The following CAMK2A variants were observed in gnomAD, a reference collection of about 807,000 sequenced individuals.
CAMK2A encodes the protein calcium/calmodulin dependent protein kinase II alpha, also known as calcium/calmodulin-dependent protein kinase type II subunit alpha.
Under a neutral mutation model 79.2 loss-of-function variants are expected in CAMK2A, and 7 were observed. The observed-to-expected ratio is 0.09, with a 90% CI of 0.05 to 0.17. The LOEUF (loss-of-function observed/expected upper bound fraction) is 0.17. Ranked by LOEUF, CAMK2A falls within the 10% of genes least tolerant of loss-of-function variation. The pLI is 1.00. For missense variants in CAMK2A, 214 were observed against 646.4 expected (o/e 0.33, Z 7.25); for synonymous variants, 242 against 251.7 (o/e 0.96, Z 0.36).
At chr5:150,271,246 AC>A (rs1756735248) in intron 2 of CAMK2A, among the ~76,000 whole-genome samples, 1 of 152,166 alleles carries the variant, frequency 6.6e-6, no homozygotes, top group South Asian at 2.1e-4. Context: ...ACAAGCTTGG[AC>A]TTTTCATACT....
intron 3 of CAMK2A, 28 bp from the exon 4 acceptor site, chr5:150,257,645 C>T (rs1413376522): frequency 6.5e-7 from 1 of 1,545,366 alleles, no homozygotes; most frequent in Non-Finnish European, 8.8e-7. Context: ...CAGTTGGTTA[C>T]AGTGGGACAC....
At chr5:150,226,756 G>GGGGT (rs1754620505) in intron 17 of CAMK2A, among the ~76,000 whole-genome samples, 1 of 108,762 alleles carries the variant, frequency 9.2e-6, no homozygotes, top group Admixed American at 9.9e-5. Context: ...GGGGGGGGGG[G>GGGGT]ATTTTCCTGA....
At chr5:150,255,760 C>T (rs1756029018) in intron 6 of CAMK2A, among the ~76,000 whole-genome samples, 1 of 152,196 alleles carries the variant, frequency 6.6e-6, no homozygotes, top group Non-Finnish European at 1.5e-5. Flanking sequence ...GATAGAGTGA[C>T]CTTTTGGCAC....
At chr5:150,237,392 C>T (rs189062568) in intron 15 of CAMK2A, among the ~76,000 whole-genome samples, 237 of 151,940 alleles carry the variant, frequency 1.6e-3, no homozygotes, top group African/African-American at 5.2e-3. Context: ...CTACCACCAC[C>T]ACCAGGCATC....
Position 150,231,280 on chromosome 5 carries a change from T to A in CAMK2A, c.1142+25A>T, listed in dbSNP as rs781740045. 2.1e-6 allele frequency: 3 copies of A among 1,460,272 alleles called. 1 individual carries two copies. Among genetic ancestry groups the A allele is most frequent in the Non-Finnish European group, 2.8e-6 (3 of 1,063,224 alleles). 90.5% of individuals were successfully genotyped at this position (1,460,272 alleles called of 1,614,324 possible). On this transcript the variant is annotated intron_variant, in intron 16 of 18. Transcript: ENST00000671881. Reference sequence around the variant, plus strand: ...CCTGAACAACAATCCAGGCAGGACATGCAGAATGAGCCCAGCTGACTCACG... The same window carrying A: ...CCTGAACAACAATCCAGGCAGGACAAGCAGAATGAGCCCAGCTGACTCACG...
intron 13 of CAMK2A, among the ~76,000 whole-genome samples, chr5:150,240,274 G>A (rs1163838798): frequency 1.3e-5 from 2 of 152,202 alleles, no homozygotes; most frequent in African/African-American, 2.4e-5. Flanking sequence ...TTGATAACTA[G>A]GTCTGGGGTG....
At chr5:150,253,663 G>A (rs940291557) in intron 6 of CAMK2A, 117 bp from the exon 7 acceptor site, 3 of 850,440 alleles carry the variant, frequency 3.5e-6, no homozygotes, top group Non-Finnish European at 5.7e-6. Context: ...CGGCCCTCCG[G>A]GGCCCCTGCT....
In CAMK2A at chr5:150,253,565, G is replaced by A; in HGVS notation, c.412-19C>T. On this transcript the variant is annotated intron_variant, in intron 6 of 18. Transcript: ENST00000671881. ...TCTCAGGCTTGTCAGGACCAGAGAA[G>A]AGGGAGGAAGGGGAGGAAAGCGCCA... 1.9e-6 allele frequency: 3 copies of A among 1,594,318 alleles called. No homozygotes were observed. The highest frequency in any genetic ancestry group is 2.6e-6 in the Non-Finnish European group (3 of 1,161,840).
chr5:150,264,850 G>A (rs1756442203), intron 3 of CAMK2A, 106 bp downstream of exon 3: 1 of 816,426 alleles, frequency 1.2e-6, no homozygotes, highest in African/African-American at 1.7e-5. Context: ...CATCCCCAGA[G>A]AAGAGAGCAG....
chr5:150,289,704 G>A lies in CAMK2A; in HGVS notation c.-79C>T. 2 of 1,188,916 alleles carry A rather than the reference G, an allele frequency of 1.7e-6. No homozygotes were observed. The highest frequency in any genetic ancestry group is 1.3e-5 in the South Asian group (1 of 77,634). 73.6% of individuals were successfully genotyped at this position (1,188,916 alleles called of 1,614,324 possible). On this transcript the variant is annotated 5_prime_UTR_variant, in exon 1 of 19. Transcript: ENST00000671881. ...GCTGCTGCTCTGCTCCCGAACCTAG[G>A]GACCACTTGCCTGCCCGTGCTGCCG...
intron 16 of CAMK2A, among the ~76,000 whole-genome samples, chr5:150,230,730 A>G (rs1443181389): frequency 2.6e-5 from 4 of 152,240 alleles, no homozygotes; most frequent in African/African-American, 9.6e-5. Context: ...AGGCAAGTCC[A>G]GGTGTGTATG....
rs778835439 is a variant in CAMK2A at position 150,253,453 on chromosome 5, C to A, written c.505G>T (p.Ala169Ser). Residue 169 changes from alanine (A) to serine (S), a missense_variant, in exon 7 of 19, where the codon GCA (alanine) becomes TCA (serine). Ala to Ser is a moderately conservative substitution (Grantham distance 99). Coordinates refer to ENST00000671881, the MANE Select transcript of CAMK2A (RefSeq NM_015981.4). ...LAIEVEGEQQ[A>S]WFGFAGTPGY... ...AGCCCACCCCACTTACCAAACCATG[C>A]CTGCTGCTCCCCCTCCACCTCTATG... The A allele has an allele frequency of 6.2e-7, 1 of 1,613,884 alleles. No individual in the cohort carries two copies. The highest frequency in any genetic ancestry group is 1.7e-5 in the Admixed American group (1 of 60,030).
At chr5:150,272,443 A>G (rs1454849483) in intron 2 of CAMK2A, among the ~76,000 whole-genome samples, 3 of 151,858 alleles carry the variant, frequency 2.0e-5, no homozygotes, top group Non-Finnish European at 2.9e-5. Context: ...ATGGCGGTGG[A>G]CGCTTGTAAT....
chr5:150,251,233 T>C (rs1755819628), intron 9 of CAMK2A, among the ~76,000 whole-genome samples: 1 of 152,256 alleles, frequency 6.6e-6, no homozygotes, highest in Non-Finnish European at 1.5e-5. Context: ...AATAGCTATC[T>C]GCATAAAAGC....
chr5:150,244,981 G>A (rs1039077694), intron 13 of CAMK2A, among the ~76,000 whole-genome samples, 180 bp downstream of exon 13: 11 of 151,504 alleles, frequency 7.3e-5, no homozygotes, highest in South Asian at 2.1e-4. Context: ...CAGTCACGGC[G>A]CAACGGTGGG....
At chr5:150,285,383 C>T (rs1008909949) in intron 1 of CAMK2A, among the ~76,000 whole-genome samples, 2 of 152,208 alleles carry the variant, frequency 1.3e-5, no homozygotes, top group African/African-American at 4.8e-5. Flanking sequence ...AAGAAAAGCA[C>T]GGCCCCCAGT....
rs1757336260 is a variant in CAMK2A, at chr5:150,284,347, A to ATG, written c.62+5215_62+5216dup. Among the ~76,000 whole-genome samples, 1 of 152,032 alleles carries ATG rather than the reference A, an allele frequency of 6.6e-6. No individual in the cohort carries two copies. Among genetic ancestry groups the ATG allele is most frequent in the Admixed American group, 6.6e-5 (1 of 15,264 alleles). Reference sequence around the variant, plus strand: ...GCTCCCGTGAGCTGTGTGAAGACGCATGTGTGTGTGTGAGCACGCATGCAT... The same window carrying ATG: ...GCTCCCGTGAGCTGTGTGAAGACGCATGTGTGTGTGTGTGAGCACGCATGCAT... On this transcript the variant is annotated intron_variant, in intron 1 of 18. Coordinates refer to ENST00000671881, the MANE Select transcript of CAMK2A (RefSeq NM_015981.4). This position sits in a 1 kb window ranked among gnomAD's most constrained non-coding sequence, Gnocchi z 5.3.
chr5:150,249,850 A>T (rs1755751289), intron 11 of CAMK2A, among the ~76,000 whole-genome samples: 1 of 152,052 alleles, frequency 6.6e-6, no homozygotes, highest in South Asian at 2.1e-4. Flanking sequence ...GCCCGGCCAC[A>T]CTTTCCCATT....
At chr5:150,233,004 C>T (rs1360670146) in intron 15 of CAMK2A, among the ~76,000 whole-genome samples, 1 of 152,256 alleles carries the variant, frequency 6.6e-6, no homozygotes, top group Admixed American at 6.5e-5. Flanking sequence ...CACTGTCTGT[C>T]CTAACACTAA....
Sources: allele counts gnomAD v4.1 joint callset (sites outside exome capture counted in the v4.1 genomes callset), GRCh38; gene constraint gnomAD v4.1.1; non-coding constraint Gnocchi (gnomAD v3.1); transcripts MANE v1.5; gene names NCBI Gene and HGNC (gene_info 2026-07-23, HGNC 2026-07-21).